ESR1: variants seen among roughly 807,000 people sequenced by gnomAD.
ESR1 encodes estrogen receptor.
A neutral mutation model predicts 52.7 loss-of-function variants in ESR1; 12 were observed. That is an observed-to-expected ratio of 0.23 (90% CI 0.15 to 0.37). ESR1 has a LOEUF of 0.37. Among genes scored for constraint, ESR1 ranks in the 10% least tolerant of loss-of-function variants. The pLI is 1.00. For missense variants in ESR1, 584 were observed against 779.7 expected (o/e 0.75, Z 2.99); for synonymous variants, 305 against 316.8 (o/e 0.96, Z 0.39).
intron 3 of ESR1, among the ~76,000 whole-genome samples, chr6:151,933,861 A>G (rs866210388): frequency 3.9e-5 from 6 of 152,150 alleles, no homozygotes; most frequent in African/African-American, 1.4e-4. Flanking sequence ...CATTTTTAAA[A>G]TCACCCTAAT....
At chr6:151,721,419 G>C (rs1267216626) in intron 2 of ESR1, among the ~76,000 whole-genome samples, 1 of 152,204 alleles carries the variant, frequency 6.6e-6, no homozygotes, top group Non-Finnish European at 1.5e-5. Flanking sequence ...GGTTTAGAAA[G>C]AGCATTTTGG....
At chr6:151,955,498 C>T (rs141692014) in intron 4 of ESR1, among the ~76,000 whole-genome samples, 1 of 152,142 alleles carries the variant, frequency 6.6e-6, no homozygotes, top group African/African-American at 2.4e-5. Flanking sequence ...ATATTAAATT[C>T]ATAGGGGATT....
At chr6:151,831,176 T>G (rs1782348547) in intron 1 of ESR1, among the ~76,000 whole-genome samples, 1 of 151,440 alleles carries the variant, frequency 6.6e-6, no homozygotes, top group Admixed American at 6.6e-5. Flanking sequence ...AGGTTCTCTC[T>G]CTGTCACCCA....
chr6:152,031,113 A>G (rs1480679721), intron 5 of ESR1, among the ~76,000 whole-genome samples: 2 of 152,230 alleles, frequency 1.3e-5, no homozygotes, highest in African/African-American at 4.8e-5. Flanking sequence ...ACAACATACC[A>G]GAATCTCTGG....
intron 2 of ESR1, among the ~76,000 whole-genome samples, chr6:151,719,743 CACTA>C (rs763613196): frequency 1.2e-4 from 18 of 152,128 alleles, no homozygotes; most frequent in Non-Finnish European, 2.5e-4. Flanking sequence ...TCCCTTAGAT[CACTA>C]GGAAAATCTT....
intron 1 of ESR1, among the ~76,000 whole-genome samples, chr6:151,683,944 T>G (rs191304452): frequency 2.0e-5 from 3 of 148,950 alleles, no homozygotes; most frequent in South Asian, 4.3e-4. Context: ...ACTCCTGAGC[T>G]CAACTCATCA....
At chr6:151,814,340 T>G (rs1189513488) in intron 1 of ESR1, among the ~76,000 whole-genome samples, 2 of 152,248 alleles carry the variant, frequency 1.3e-5, no homozygotes, top group Admixed American at 1.3e-4. Flanking sequence ...TTGTTTCATT[T>G]GCTTTATTTT....
At chr6:152,014,949 C>A (rs1402171856) in intron 5 of ESR1, among the ~76,000 whole-genome samples, 3 of 152,066 alleles carry the variant, frequency 2.0e-5, no homozygotes, top group African/African-American at 7.2e-5. Context: ...TGCCTGTAAT[C>A]CCAGCTACCC....
chr6:151,705,492 G>T (rs1780118507), intron 2 of ESR1, among the ~76,000 whole-genome samples: 1 of 152,188 alleles, frequency 6.6e-6, no homozygotes, highest in Non-Finnish European at 1.5e-5. Flanking sequence ...ACAAAGGCTT[G>T]CAGAGAGAAG....
At position 152,053,521 on chromosome 6, in the gene ESR1, TC is replaced by T. The variant is rs2128933371; in HGVS notation, c.1236-7469del. Among the ~76,000 whole-genome samples, 1 of 152,022 alleles carries T rather than the reference TC, an allele frequency of 6.6e-6. No homozygotes were observed. Among genetic ancestry groups the T allele is most frequent in the East Asian group, 1.9e-4 (1 of 5,162 alleles). ...CTCTCTCCCATTCTCTTTCTCTTTC[TC>T]TCAATCTCTCTCTTCCTCTCTCTCT... On this transcript the variant is annotated intron_variant, in intron 5 of 7. Coordinates refer to ENST00000206249, the MANE Select transcript of ESR1 (RefSeq NM_000125.4). This position sits in a 1 kb window ranked among gnomAD's most constrained non-coding sequence, Gnocchi z 4.1.
upstream of ESR1, among the ~76,000 whole-genome samples, chr6:151,689,290 C>G (rs1270521779): frequency 1.3e-5 from 2 of 152,248 alleles, no homozygotes; most frequent in Non-Finnish European, 2.9e-5. Context: ...AATAATCTAC[C>G]TTTCACCAGA....
intron 3 of ESR1, among the ~76,000 whole-genome samples, chr6:151,925,599 C>T (rs530088329): frequency 1.3e-5 from 2 of 152,254 alleles, no homozygotes; most frequent in African/African-American, 4.8e-5. Context: ...AAGAATGAAA[C>T]TCCATCTCAA....
At chr6:151,945,630 A>G (rs2035614397) in intron 4 of ESR1, among the ~76,000 whole-genome samples, 1 of 152,216 alleles carries the variant, frequency 6.6e-6, no homozygotes, top group Non-Finnish European at 1.5e-5. Flanking sequence ...TTATAGGTTA[A>G]ATGAGTGATA....
intron 1 of ESR1, among the ~76,000 whole-genome samples, chr6:151,815,547 G>C (rs1414286060): frequency 6.6e-6 from 1 of 152,308 alleles, no homozygotes; most frequent in East Asian, 1.9e-4. Context: ...AGGCCATTTA[G>C]GAAGGGATCC....
At chr6:151,823,692 A>G (rs545054216) in intron 1 of ESR1, among the ~76,000 whole-genome samples, 2 of 152,096 alleles carry the variant, frequency 1.3e-5, no homozygotes, top group East Asian at 1.9e-4. Flanking sequence ...TCATTGTTCA[A>G]TTCCCACCTA....
chr6:151,699,330 C>G (rs1167884459), intron 1 of ESR1, among the ~76,000 whole-genome samples: 1 of 152,158 alleles, frequency 6.6e-6, no homozygotes, highest in Non-Finnish European at 1.5e-5. Context: ...CTAGAATCTA[C>G]TATTACTGGG....
chr6:151,665,277 G>T (rs1487684246), intron 1 of ESR1, among the ~76,000 whole-genome samples: 1 of 152,182 alleles, frequency 6.6e-6, no homozygotes, highest in Non-Finnish European at 1.5e-5. Context: ...AGGATTCACA[G>T]GGTAACAGGA....
chr6:151,948,936 TTGAATAAA>T (rs1233480601), intron 4 of ESR1, among the ~76,000 whole-genome samples: 2 of 152,200 alleles, frequency 1.3e-5, no homozygotes, highest in Non-Finnish European at 2.9e-5. Flanking sequence ...CAGGAAGTGC[TTGAATAAA>T]TGAATAAATG....
chr6:152,116,451 C>T (rs2051211553), intron 6 of ESR1, among the ~76,000 whole-genome samples: 1 of 151,930 alleles, frequency 6.6e-6, no homozygotes, highest in African/African-American at 2.4e-5. Flanking sequence ...AGAATAGATC[C>T]AATTCTTAAA....
Sources: allele counts gnomAD v4.1 joint callset (sites outside exome capture counted in the v4.1 genomes callset), GRCh38; gene constraint gnomAD v4.1.1; non-coding constraint Gnocchi (gnomAD v3.1); transcripts MANE v1.5; gene names NCBI Gene and HGNC (gene_info 2026-07-23, HGNC 2026-07-21).